GRIK2: variants seen among roughly 807,000 people sequenced by gnomAD.
The protein encoded by GRIK2 is glutamate receptor ionotropic, kainate 2.
In GRIK2, 32 loss-of-function variants were observed where a neutral mutation model predicts 100.3. The observed-to-expected ratio is 0.32, with a 90% confidence interval of 0.24 to 0.43. The LOEUF is 0.43. GRIK2 is among the 20% of genes least tolerant of loss of function. The pLI is 1.00. For missense variants in GRIK2, 843 were observed against 1,114.9 expected (o/e 0.76, Z 3.47); for synonymous variants, 417 against 389.4 (o/e 1.07, Z -0.83).
chr6:101,857,034 A>G (rs889756490), intron 10 of GRIK2, among the ~76,000 whole-genome samples: 2 of 152,184 alleles, frequency 1.3e-5, no homozygotes, highest in African/African-American at 4.8e-5. Flanking sequence ...ATTTCATTGA[A>G]TGACAGCAAT....
At chr6:101,450,732 A>G (rs1218410524) in intron 2 of GRIK2, among the ~76,000 whole-genome samples, 1 of 151,832 alleles carries the variant, frequency 6.6e-6, no homozygotes, top group African/African-American at 2.4e-5. Context: ...CAAAGAAAGA[A>G]AATGACATGA....
intron 14 of GRIK2, among the ~76,000 whole-genome samples, chr6:101,946,797 A>C (rs2128477565): frequency 6.6e-6 from 1 of 152,160 alleles, no homozygotes; most frequent in Admixed American, 6.6e-5. Context: ...GGTATTGTAA[A>C]CCATTTATTT....
chr6:101,436,942 A>T (rs1182993711), intron 2 of GRIK2, among the ~76,000 whole-genome samples: 1 of 151,388 alleles, frequency 6.6e-6, no homozygotes, highest in Non-Finnish European at 1.5e-5. Context: ...AAATCATCAT[A>T]TTTAAAGTAG....
At chr6:101,440,767 G>A (rs1463941674) in intron 2 of GRIK2, among the ~76,000 whole-genome samples, 1 of 152,038 alleles carries the variant, frequency 6.6e-6, no homozygotes, top group African/African-American at 2.4e-5. Flanking sequence ...AGGGTTTAAA[G>A]CAGCTCAAAG....
At chr6:101,596,693 AG>A (rs1254123748) in intron 2 of GRIK2, among the ~76,000 whole-genome samples, 1 of 151,718 alleles carries the variant, frequency 6.6e-6, no homozygotes, top group Non-Finnish European at 1.5e-5. Flanking sequence ...CCTTAAATAG[AG>A]GCAATGTTTT....
At chr6:101,934,452 G>A (rs991362801) in intron 14 of GRIK2, among the ~76,000 whole-genome samples, 12 of 151,890 alleles carry the variant, frequency 7.9e-5, no homozygotes, top group African/African-American at 2.4e-4. Flanking sequence ...GATTGTATAT[G>A]ATAGTATATG....
chr6:101,753,278 G>A lies in GRIK2; in HGVS notation c.952-46370G>A, dbSNP rs544679577. 2.0e-4 allele frequency among the ~76,000 whole-genome samples: 23 copies of A among 114,968 alleles called. No homozygotes were observed. The South Asian group carries it at 3.6e-3, about 18-fold the overall frequency. The allele number at this position is 114,968 out of a possible 152,430, so 75.4% of individuals were successfully genotyped here. A position where few individuals can be genotyped will look rare whatever the true frequency, so the allele number is the denominator to read the frequency against. On this transcript the variant is annotated intron_variant, in intron 7 of 16. Coordinates refer to ENST00000369134, the MANE Select transcript of GRIK2 (RefSeq NM_021956.5). ...AGCCTGGGCGGCAGAGCGAGACTCC[G>A]TCTCAAAAAAAAAAAAAAAAAAAAG...
intron 7 of GRIK2, among the ~76,000 whole-genome samples, chr6:101,765,882 C>G (rs1778017392): frequency 6.6e-6 from 1 of 152,098 alleles, no homozygotes; most frequent in Admixed American, 6.6e-5. Context: ...TATACATCTA[C>G]TTAAACTTAA....
At chr6:101,869,725 C>CA (rs1164962354) in intron 11 of GRIK2, among the ~76,000 whole-genome samples, 1 of 151,732 alleles carries the variant, frequency 6.6e-6, no homozygotes, top group East Asian at 1.9e-4. Flanking sequence ...AAGTAGTCAG[C>CA]AAGGAGACAG....
chr6:101,717,926 GT>G (rs1253678623), intron 7 of GRIK2, among the ~76,000 whole-genome samples: 1 of 151,618 alleles, frequency 6.6e-6, no homozygotes, highest in Non-Finnish European at 1.5e-5. Context: ...TAAATAGCTA[GT>G]TCCTATAAGT....
At chr6:101,549,455 A>C (rs1025058083) in intron 2 of GRIK2, among the ~76,000 whole-genome samples, 2 of 152,010 alleles carry the variant, frequency 1.3e-5, no homozygotes, top group Non-Finnish European at 2.9e-5. Context: ...TTTTAGTTCA[A>C]TCCTGGCTCA....
chr6:101,887,930 C>T (rs1320995157), intron 11 of GRIK2, among the ~76,000 whole-genome samples: 1 of 152,080 alleles, frequency 6.6e-6, no homozygotes, highest in Admixed American at 6.6e-5. Flanking sequence ...AGAGCCAAAC[C>T]ATATCAACTA....
At chr6:102,057,141 A>G (rs1175446645) in intron 16 of GRIK2, among the ~76,000 whole-genome samples, 1 of 151,904 alleles carries the variant, frequency 6.6e-6, no homozygotes, top group East Asian at 1.9e-4. Flanking sequence ...GTGGTATTTA[A>G]GGCATTAATG....
At position 101,607,093 on chromosome 6, in the gene GRIK2, T is replaced by A. The variant is rs527669277; in HGVS notation, c.116-14856T>A. 3.0e-4 allele frequency among the ~76,000 whole-genome samples: 45 copies of A among 152,124 alleles called. No homozygotes were observed. The South Asian group carries it at 5.8e-3, about 20-fold the overall frequency. On this transcript the variant is annotated intron_variant, in intron 2 of 16. Coordinates refer to ENST00000369134, the MANE Select transcript of GRIK2 (RefSeq NM_021956.5). ...TTCCATCTCTGCCTCTAGGCTGCCT[T>A]CAACTAGGTCACACTAGGCAGATAA...
intron 13 of GRIK2, among the ~76,000 whole-genome samples, chr6:101,926,294 G>A (rs375638649): frequency 6.8e-6 from 1 of 147,702 alleles, no homozygotes; most frequent in East Asian, 2.0e-4. Context: ...GAAAAAGCCC[G>A]TCATATGGCA....
intron 2 of GRIK2, among the ~76,000 whole-genome samples, chr6:101,574,810 C>T (rs114442134): frequency 2.1e-3 from 321 of 151,676 alleles, no homozygotes; most frequent in Middle Eastern, 6.8e-3. Flanking sequence ...TATGTGGTAA[C>T]CTATTTTTAA....
intron 2 of GRIK2, among the ~76,000 whole-genome samples, chr6:101,579,908 T>A (rs1459280409): frequency 6.6e-6 from 1 of 151,972 alleles, no homozygotes; most frequent in Non-Finnish European, 1.5e-5. Context: ...AACATTGTCT[T>A]CTCTGGGCTT....
chr6:101,687,144 G>A (rs1769088296), intron 7 of GRIK2, among the ~76,000 whole-genome samples: 1 of 151,832 alleles, frequency 6.6e-6, no homozygotes, highest in Admixed American at 6.6e-5. Flanking sequence ...CTTGAAAGAT[G>A]GTATGTATTT....
chr6:101,744,422 C>T (rs1776249896), intron 7 of GRIK2, among the ~76,000 whole-genome samples: 1 of 150,030 alleles, frequency 6.7e-6, no homozygotes, highest in Admixed American at 6.7e-5. Flanking sequence ...GTCTCCAATT[C>T]CACGATTCCA....
Sources: gnomAD v4.1 joint callset for allele counts (sites outside exome capture counted in the v4.1 genomes callset) on GRCh38, gnomAD v4.1.1 for gene constraint, MANE v1.5 for transcripts, NCBI Gene and HGNC (gene_info 2026-07-23, HGNC 2026-07-21) for gene names.